The following TCF4 variants were observed in gnomAD, a reference collection of about 807,000 sequenced individuals.
TCF4 encodes transcription factor 4.
A neutral mutation model predicts 82.1 loss-of-function variants in TCF4; 3 were observed. That is an observed-to-expected ratio of 0.04 (90% confidence interval 0.02 to 0.09). The LOEUF is 0.09. Among genes scored for constraint, TCF4 ranks in the 10% least tolerant of loss-of-function variants. The probability of loss-of-function intolerance (pLI) is 1.00; values close to 1 mark genes in which losing one functional copy is unlikely to be tolerated. For missense variants in TCF4, 518 were observed against 852.7 expected, an observed-to-expected ratio of 0.61 and a Z score of 4.89; for synonymous variants, 276 against 309.6, an observed-to-expected ratio of 0.89 and a Z score of 1.14.
rs561919893 is a variant in TCF4 at position 55,455,713 on chromosome 18, T to C, written c.304+5306A>G. Among the ~76,000 whole-genome samples, 3 of 152,328 alleles carry C rather than the reference T, an allele frequency of 2.0e-5. No homozygotes were observed. The South Asian group carries it at 6.2e-4, about 32-fold the overall frequency. On this transcript the variant is annotated intron_variant, in intron 5 of 19. Coordinates refer to ENST00000354452, the MANE Select transcript of TCF4 (RefSeq NM_001083962.2). The stretch of plus-strand genomic sequence containing the variant: ...CTAAAGATTATTTGACCTTTGGAAC[T>C]TTCAAACATCAAATGATTGCCATTA...
At chr18:55,562,102 C>T (rs1335805545) in intron 3 of TCF4, among the ~76,000 whole-genome samples, 3 of 152,156 alleles carry the variant, frequency 2.0e-5, no homozygotes, top group African/African-American at 7.2e-5. Context: ...CAGTAATGCT[C>T]ATTGGTTTCT....
At chr18:55,499,014 T>TC (rs1395032322) in intron 3 of TCF4, among the ~76,000 whole-genome samples, 1 of 152,214 alleles carries the variant, frequency 6.6e-6, no homozygotes, top group Non-Finnish European at 1.5e-5. Flanking sequence ...TGAAAGTTTT[T>TC]GTTTTTTAGA....
intron 5 of TCF4, among the ~76,000 whole-genome samples, chr18:55,438,637 T>C (rs2095379506): frequency 6.6e-6 from 1 of 152,080 alleles, no homozygotes; most frequent in Non-Finnish European, 1.5e-5. Flanking sequence ...GCAGTCCTGG[T>C]AGGAAAGGTA....
At chr18:55,377,429 T>G (rs1051219550) in intron 6 of TCF4, among the ~76,000 whole-genome samples, 2 of 152,222 alleles carry the variant, frequency 1.3e-5, no homozygotes, top group Non-Finnish European at 2.9e-5. Flanking sequence ...CACGTTTTTC[T>G]TGGAATATGG....
intron 3 of TCF4, among the ~76,000 whole-genome samples, chr18:55,525,690 A>G (rs185401032): frequency 1.7e-3 from 263 of 152,298 alleles, no homozygotes; most frequent in Non-Finnish European, 2.2e-3. Flanking sequence ...AGTTAGATTA[A>G]CAGTGAACCC....
intron 5 of TCF4, among the ~76,000 whole-genome samples, chr18:55,421,465 G>A (rs1203136621): frequency 2.0e-5 from 3 of 152,226 alleles, no homozygotes; most frequent in East Asian, 1.9e-4. Flanking sequence ...TTAACAAGGC[G>A]TATTATAATC....
At chr18:55,521,996 G>C (rs536198063) in intron 3 of TCF4, among the ~76,000 whole-genome samples, 2 of 152,154 alleles carry the variant, frequency 1.3e-5, no homozygotes, top group East Asian at 3.8e-4. Flanking sequence ...ACAGGGAAGC[G>C]GTTGGGTTTC....
intron 6 of TCF4, among the ~76,000 whole-genome samples, chr18:55,362,376 AGG>A (rs1491214799): frequency 1.8e-5 from 2 of 113,058 alleles, no homozygotes; most frequent in Non-Finnish European, 3.8e-5. Context: ...GAAGGAAGGA[AGG>A]AAGGAAGGAA....
intron 8 of TCF4, among the ~76,000 whole-genome samples, chr18:55,312,996 A>G (rs1196540764): frequency 2.6e-5 from 4 of 152,152 alleles, no homozygotes; most frequent in African/African-American, 9.6e-5. Flanking sequence ...AAATGTAAGA[A>G]AGTGGAAATG....
chr18:55,343,414 G>C (rs1167762598), intron 8 of TCF4, among the ~76,000 whole-genome samples: 1 of 152,088 alleles, frequency 6.6e-6, no homozygotes, highest in Non-Finnish European at 1.5e-5. Flanking sequence ...TATATATCAA[G>C]TTTCATCCCT....
At chr18:55,609,595 G>T (rs2097705269) in intron 2 of TCF4, among the ~76,000 whole-genome samples, 1 of 152,130 alleles carries the variant, frequency 6.6e-6, no homozygotes, top group African/African-American at 2.4e-5. Flanking sequence ...AAATTGCTGA[G>T]TCTGAATTTT....
intron 6 of TCF4, among the ~76,000 whole-genome samples, chr18:55,375,890 G>A (rs1046558741): frequency 4.6e-5 from 7 of 151,918 alleles, no homozygotes; most frequent in African/African-American, 2.4e-5. Flanking sequence ...CTCCTAAGTA[G>A]AAAGGTTCTA....
At chr18:55,267,621 C>A (rs1821557230) in intron 11 of TCF4, 1 of 152,042 alleles carries the variant, frequency 6.6e-6, no homozygotes, top group Non-Finnish European at 1.5e-5. Flanking sequence ...TTAAAGTAAC[C>A]TTAAAGTAAT....
chr18:55,557,110 G>A (rs952578692), intron 3 of TCF4, among the ~76,000 whole-genome samples: 1 of 152,176 alleles, frequency 6.6e-6, no homozygotes, highest in Non-Finnish European at 1.5e-5. Context: ...ATCGGTATGT[G>A]TAATTCCTGT....
At chr18:55,510,816 G>A (rs2096820285) in intron 3 of TCF4, 4 of 1,131,246 alleles carry the variant, frequency 3.5e-6, no homozygotes, top group East Asian at 3.8e-5. Context: ...TCAGTAGAAG[G>A]GGAAATGATA....
intron 2 of TCF4, among the ~76,000 whole-genome samples, chr18:55,601,643 G>T (rs2097697123): frequency 3.3e-5 from 5 of 152,114 alleles, no homozygotes; most frequent in Admixed American, 3.3e-4. Context: ...AATTAGCTGG[G>T]TGCGGTGGTG....
intron 9 of TCF4, among the ~76,000 whole-genome samples, chr18:55,278,759 A>G (rs1382378091): frequency 2.0e-5 from 3 of 152,068 alleles, no homozygotes; most frequent in Non-Finnish European, 4.4e-5. Context: ...TAGTACAGAC[A>G]GGGTTTCACC....
chr18:55,289,712 G>A (rs934462184), intron 8 of TCF4, among the ~76,000 whole-genome samples: 1 of 152,140 alleles, frequency 6.6e-6, no homozygotes, highest in African/African-American at 2.4e-5. Flanking sequence ...TTAAATGAGG[G>A]CAGCACATCT....
chr18:55,319,842 G>C (rs1300184265), intron 8 of TCF4, among the ~76,000 whole-genome samples: 1 of 151,914 alleles, frequency 6.6e-6, no homozygotes, highest in Non-Finnish European at 1.5e-5. Context: ...GGAGTTAAAA[G>C]GTACAAAACT....
Sources: allele counts gnomAD v4.1 joint callset (sites outside exome capture counted in the v4.1 genomes callset), GRCh38; gene constraint gnomAD v4.1.1; transcripts MANE v1.5; gene names NCBI Gene and HGNC (gene_info 2026-07-23, HGNC 2026-07-21).